The following ITGAD variants were observed in gnomAD, a reference collection of about 807,000 sequenced individuals.
ITGAD encodes integrin subunit alpha D, also known as integrin alpha-D.
In ITGAD, 105 loss-of-function variants were observed where a neutral mutation model predicts 139.0. The observed-to-expected ratio is 0.76, with a 90% CI of 0.65 to 0.89. The LOEUF (loss-of-function observed/expected upper bound fraction) is 0.89, where lower values mean the gene tolerates loss of function less well. Among genes scored for constraint, ITGAD ranks in the 40% least tolerant of loss-of-function variants. ITGAD has a pLI of 0.00. For synonymous variants in ITGAD, 569 were observed against 598.3 expected (o/e 0.95, Z 0.71); for missense variants, 1,384 against 1,487.3 (o/e 0.93, Z 1.14).
chr16:31,412,933 G>A lies in ITGAD; in HGVS notation c.1803G>A (p.Leu601=). The part of the protein sequence containing the change: ...QDLTQDGLMD[L]AVGARGQVLL... Reference sequence around the variant, plus strand: ...TCACCCAGGATGGACTGATGGACCTGGCCGTGGGGGCCCGGGGCCAGGTGC... The same window carrying A: ...TCACCCAGGATGGACTGATGGACCTAGCCGTGGGGGCCCGGGGCCAGGTGC... Residue 601 remains leucine, a synonymous_variant, in exon 15 of 30, where the codon CTG becomes CTA. Coordinates refer to ENST00000389202, the MANE Select transcript of ITGAD (RefSeq NM_005353.3). The A allele has an allele frequency of 6.2e-7, 1 of 1,611,592 alleles. No individual in the cohort carries two copies. Among genetic ancestry groups the A allele is most frequent in the Non-Finnish European group, 8.5e-7 (1 of 1,178,848 alleles).
chr16:31,423,708 T>C lies in ITGAD; in HGVS notation c.3045+60T>C, dbSNP rs2082053507. 6 of 1,552,544 alleles carry C rather than the reference T, an allele frequency of 3.9e-6. No homozygotes were observed. In the South Asian group the frequency reaches 4.5e-5, roughly 12 times the overall value. ...AGCCCCCACCGGGGATACTGGGAAA[T>C]GTACTGCTAGGCCACAGAGTTCCGT... is the stretch of plus-strand genomic sequence containing the variant. On this transcript the variant is annotated intron_variant, in intron 26 of 29. Coordinates refer to ENST00000389202, the MANE Select transcript of ITGAD (RefSeq NM_005353.3).
intron 1 of ITGAD, among the ~76,000 whole-genome samples, chr16:31,393,912 C>T (rs1430686860): frequency 2.0e-5 from 3 of 152,166 alleles, no homozygotes; most frequent in African/African-American, 7.2e-5. Context: ...GGGCGTATCC[C>T]CTGAGGTCAG....
Position 31,411,466 on chromosome 16 carries a change from C to T in ITGAD, c.1656C>T (p.Val552=). The T allele has an allele frequency of 6.2e-7, 1 of 1,614,124 alleles. No individual in the cohort carries two copies. Among genetic ancestry groups the T allele is most frequent in the Non-Finnish European group, 8.5e-7 (1 of 1,180,004 alleles). Residue 552 remains valine, a synonymous_variant, in exon 14 of 30, where the codon GTC becomes GTT. Coordinates refer to ENST00000389202, the MANE Select transcript of ITGAD (RefSeq NM_005353.3). ...APGEQENRGA[V]YLFHGASESG... is the part of the protein sequence containing the mutation. ...GAGAGCAGGAGAACCGGGGTGCTGTCTACCTGTTTCACGGAGCCTCAGAAT... is the reference window on the plus strand; with the variant it reads ...GAGAGCAGGAGAACCGGGGTGCTGTTTACCTGTTTCACGGAGCCTCAGAAT...
rs920173046 is a variant in ITGAD, at chr16:31,418,284, CCTT to C, written c.2617-9_2617-7del. ...GCCCTTCCTTTTATCCCCATTCTTT[CCTT>C]CTTCTTCCCTCAGGGCACCTTCATA... On this transcript the variant is annotated splice_polypyrimidine_tract_variant and intron_variant, in intron 21 of 29. Transcript: ENST00000389202. 2 of 1,612,234 alleles carry C rather than the reference CCTT, an allele frequency of 1.2e-6. No homozygotes were observed. Among genetic ancestry groups the C allele is most frequent in the African/African-American group, 1.3e-5 (1 of 74,870 alleles).
intron 20 of ITGAD, 86 bp from the exon 21 acceptor site, chr16:31,417,989 C>A: frequency 9.9e-7 from 1 of 1,006,720 alleles, no homozygotes; most frequent in Non-Finnish European, 1.5e-6. Flanking sequence ...GTCATTTTCC[C>A]TAGTGCTCTG....
intron 5 of ITGAD, 32 bp from the exon 6 acceptor site, chr16:31,402,083 T>C (rs773764133): frequency 6.2e-7 from 1 of 1,607,646 alleles, no homozygotes; most frequent in South Asian, 1.1e-5. Context: ...GCCCCCGCAG[T>C]GCATCTCCGA....
Position 31,403,755 on chromosome 16 carries a change from A to G in ITGAD, c.704+110A>G, listed in dbSNP as rs2081467799. On this transcript the variant is annotated intron_variant, in intron 7 of 29. Coordinates refer to ENST00000389202, the MANE Select transcript of ITGAD (RefSeq NM_005353.3). The surrounding 1 kb of genome is among the most constrained non-coding windows in gnomAD (Gnocchi z 4.4). Reference sequence around the variant, plus strand: ...GAGGGAGGCTCCAGGGAAAGGGGCTACCAAGGGGCATGTCGGGGCTGCAGG... The same window carrying G: ...GAGGGAGGCTCCAGGGAAAGGGGCTGCCAAGGGGCATGTCGGGGCTGCAGG... The G allele has an allele frequency of 1.1e-5, 15 of 1,394,780 alleles. No homozygotes were observed. Among genetic ancestry groups the G allele is most frequent in the Non-Finnish European group, 1.5e-5 (15 of 1,012,336 alleles). 86.4% of individuals were successfully genotyped at this position (1,394,780 alleles called of 1,614,324 possible).
intron 1 of ITGAD, 23 bp from the exon 2 acceptor site, chr16:31,394,213 C>T (rs185253620): frequency 5.2e-4 from 791 of 1,534,880 alleles, no homozygotes; most frequent in Non-Finnish European, 6.4e-4. Context: ...TCCCAGCCTC[C>T]CCGCCCACCA....
intron 16 of ITGAD, 22 bp from the exon 17 acceptor site, chr16:31,414,429 T>G (rs1049296705): frequency 1.2e-6 from 2 of 1,605,394 alleles, no homozygotes; most frequent in African/African-American, 2.7e-5. Context: ...CTTTTCATTT[T>G]GCACTCTCCC....
At chr16:31,406,632 C>T (rs139636058) in intron 7 of ITGAD, among the ~76,000 whole-genome samples, 2 of 152,268 alleles carry the variant, frequency 1.3e-5, no homozygotes, top group East Asian at 3.9e-4. Flanking sequence ...TTTCAGGTGG[C>T]CTTCCTCCAT....
At chr16:31,401,962 G>A (rs891662287) in intron 5 of ITGAD, among the ~76,000 whole-genome samples, 153 bp from the exon 6 acceptor site, 6 of 152,218 alleles carry the variant, frequency 3.9e-5, no homozygotes, top group Admixed American at 2.0e-4. Flanking sequence ...AAGGGAGCAG[G>A]GGGCTGGGGT....
At position 31,407,515 on chromosome 16, in the gene ITGAD, G is replaced by C; in HGVS notation, c.705G>C (p.Val235=). 6.3e-7 allele frequency: 1 copy of C among 1,582,532 alleles called. No individual in the cohort carries two copies. The highest frequency in any genetic ancestry group is 8.6e-7 in the Non-Finnish European group (1 of 1,162,950). The change falls in exon 8 of 30, where the codon GTG becomes GTC. Residue 235 remains valine, a splice_region_variant and synonymous_variant. Transcript: ENST00000389202. ...GTCATCTTCCTTTCCTCCCCGACAG[G>C]ACACAGCTATTTCATCATAAGAATG... ...TFTATGILTV[V]TQLFHHKNGA... is the part of the protein sequence containing the mutation.
At chr16:31,419,825 A>G (rs1268629272) in intron 23 of ITGAD, among the ~76,000 whole-genome samples, 5 of 151,568 alleles carry the variant, frequency 3.3e-5, no homozygotes, top group Non-Finnish European at 7.4e-5. Flanking sequence ...AAAAAAAAAA[A>G]AAAAAAGAAA....
intron 10 of ITGAD, 95 bp downstream of exon 10, chr16:31,408,593 AC>A (rs1486159339): frequency 1.8e-5 from 20 of 1,096,422 alleles, no homozygotes; most frequent in Non-Finnish European, 2.6e-5. Flanking sequence ...ACAAGAGCAG[AC>A]CCCATCCTCA....
Position 31,407,596 on chromosome 16 carries a change from C to A in ITGAD, c.786C>A (p.Tyr262Ter). ...ILIVITDGQK[Y>*]KDPLEYSDVI... is the part of the protein sequence containing the mutation. ...TTGTCATCACAGATGGGCAGAAGTA[C>A]AAAGACCCCCTGGAATACAGTGATG... The change falls in exon 8 of 30, where the codon TAC (tyrosine) becomes TAA (stop). Residue 262 changes from tyrosine (Y) to a stop codon, truncating the protein, a stop_gained. Coordinates refer to ENST00000389202, the MANE Select transcript of ITGAD (RefSeq NM_005353.3). LOFTEE classifies it high-confidence loss of function. 1 of 1,613,914 alleles carries A rather than the reference C, an allele frequency of 6.2e-7. No homozygotes were observed. The highest frequency in any genetic ancestry group is 8.5e-7 in the Non-Finnish European group (1 of 1,179,872).
At chr16:31,424,796 A>G in intron 29 of ITGAD, 1 of 366,500 alleles carries the variant, frequency 2.7e-6, no homozygotes, top group South Asian at 3.9e-5. Context: ...ATGGAGTTTC[A>G]TCATGTTGGC....
intron 12 of ITGAD, 38 bp from the exon 13 acceptor site, chr16:31,411,038 G>T (rs200928522): frequency 1.6e-4 from 257 of 1,609,788 alleles, no homozygotes; most frequent in Admixed American, 5.2e-4. Context: ...GCTGCCTCTG[G>T]CTGGGACAGG....
rs145206324 is a variant in ITGAD at position 31,397,404 on chromosome 16, G to T, written c.183G>T (p.Thr61=). 3 of 1,604,622 alleles carry T rather than the reference G, an allele frequency of 1.9e-6. No homozygotes were observed. Among genetic ancestry groups the T allele is most frequent in the Non-Finnish European group, 1.7e-6 (2 of 1,176,148 alleles). ...TGGAGGTGGTGGCGGCCAACCAGACGGGACGGCTGTATGACTGCGCAGCTG... is the reference window on the plus strand; with the variant it reads ...TGGAGGTGGTGGCGGCCAACCAGACTGGACGGCTGTATGACTGCGCAGCTG... ...APLEVVAANQ[T]GRLYDCAAAT... is the part of the protein sequence containing the mutation. The change falls in exon 3 of 30, where the codon ACG becomes ACT. Residue 61 remains threonine (T), a synonymous_variant. Coordinates refer to ENST00000389202, the MANE Select transcript of ITGAD (RefSeq NM_005353.3).
At position 31,414,602 on chromosome 16, in the gene ITGAD, G is replaced by A. The variant is rs763525703; in HGVS notation, c.2148G>A (p.Leu716=). 6.2e-7 allele frequency: 1 copy of A among 1,614,056 alleles called. No individual in the cohort carries two copies. Among genetic ancestry groups the A allele is most frequent in the Admixed American group, 1.7e-5 (1 of 60,018 alleles). Residue 716 remains leucine (L), a synonymous_variant, in exon 17 of 30, where the codon TTG becomes TTA. Transcript: ENST00000389202. ...GIHCETLKLL[L]PDCVEDVVSP... ...ACTGTGAAACCCTGAAGCTGCTTTT[G>A]CCAGTGAGGACTTTGGGTTCTGGGA...
Sources: allele counts gnomAD v4.1 joint callset (sites outside exome capture counted in the v4.1 genomes callset), GRCh38; gene constraint gnomAD v4.1.1; non-coding constraint Gnocchi (gnomAD v3.1); transcripts MANE v1.5; gene names NCBI Gene and HGNC (gene_info 2026-07-23, HGNC 2026-07-21).